MAN2B2: variants seen among roughly 807,000 people sequenced by gnomAD.
MAN2B2 encodes the protein epididymis-specific alpha-mannosidase.
Under a neutral mutation model 117.1 loss-of-function variants are expected in MAN2B2, and 106 were observed. The observed-to-expected ratio is 0.90, with a 90% confidence interval of 0.77 to 1.06. The LOEUF (loss-of-function observed/expected upper bound fraction) is 1.06, where lower values mean the gene tolerates loss of function less well. Ranked by LOEUF, MAN2B2 falls within the 50% of genes least tolerant of loss-of-function variation. The pLI is 0.00. For synonymous variants in MAN2B2, 544 were observed against 595.1 expected, an observed-to-expected ratio of 0.91 and a Z score of 1.25; for missense variants, 1,326 against 1,381.4, an observed-to-expected ratio of 0.96 and a Z score of 0.64.
chr4:6,621,206 C>T lies in MAN2B2; in HGVS notation c.2951C>T (p.Ser984Leu), dbSNP rs770625964. The change falls in exon 19 of 19, where the codon TCG becomes TTG. Residue 984 changes from serine (S) to leucine (L), a missense_variant. Physicochemically the swap from Ser to Leu is moderately radical, Grantham distance 145 (BLOSUM62 -2). Coordinates refer to ENST00000285599, the MANE Select transcript of MAN2B2 (RefSeq NM_015274.3). ...GRHRGDTTSP[S>L]RPPGGPIITV... ...CCCCTAGGTGACACCACCTCTCCCT[C>T]GAGGCCACCAGGAGGCCCCATCATC... The T allele has an allele frequency of 5.6e-6, 9 of 1,613,904 alleles. No homozygotes were observed. The highest frequency in any genetic ancestry group is 1.3e-5 in the African/African-American group (1 of 74,918).
chr4:6,611,576 A>G (rs1577293982), intron 15 of MAN2B2, among the ~76,000 whole-genome samples: 1 of 147,862 alleles, frequency 6.8e-6, no homozygotes, highest in African/African-American at 2.7e-5. Context: ...CTTTCTTAAT[A>G]TGACATTATG....
rs149837053 is a variant in MAN2B2, at chr4:6,597,125, C to T, written c.1070C>T (p.Ala357Val). 57 of 1,613,360 alleles carry T rather than the reference C, an allele frequency of 3.5e-5. No homozygotes were observed. Among genetic ancestry groups the T allele is most frequent in the Non-Finnish European group, 4.6e-5 (54 of 1,179,846 alleles). The change falls in exon 8 of 19, where the codon GCC (alanine) becomes GTC (valine). Residue 357 changes from alanine to valine, a missense_variant. Ala to Val is a moderately conservative substitution (Grantham distance 64, BLOSUM62 0). Transcript: ENST00000285599. ...FLPYSTEPFQ[A>V]WTGFYTSRSS... ...CCTTGTCTCCCAGAACCATTCCAGG[C>T]CTGGACGGGCTTCTACACGTCCCGC...
At chr4:6,597,004 TG>T in intron 7 of MAN2B2, 108 bp from the exon 8 acceptor site, 1 of 1,123,038 alleles carries the variant, frequency 8.9e-7, no homozygotes, top group Non-Finnish European at 1.3e-6. Flanking sequence ...TGGGTGACCC[TG>T]GCAGAGGCTG....
chr4:6,587,781 G>A (rs1336671803), intron 4 of MAN2B2, among the ~76,000 whole-genome samples: 1 of 137,068 alleles, frequency 7.3e-6, no homozygotes, highest in Non-Finnish European at 1.5e-5. Flanking sequence ...TTGAGACAGG[G>A]TCTTGCTCTG....
intron 11 of MAN2B2, among the ~76,000 whole-genome samples, chr4:6,606,558 C>T (rs1727554477): frequency 6.6e-6 from 1 of 152,254 alleles, no homozygotes; most frequent in South Asian, 2.1e-4. Context: ...AGCCAGGGTC[C>T]CACCCGGCAT....
At chr4:6,615,170 C>T (rs527780380) in intron 16 of MAN2B2, among the ~76,000 whole-genome samples, 13 of 152,250 alleles carry the variant, frequency 8.5e-5, no homozygotes, top group Admixed American at 4.6e-4. Flanking sequence ...CCGAGGCAGG[C>T]GGATTGCTTG....
chr4:6,610,995 G>T lies in MAN2B2; in HGVS notation c.2370+5G>T. ...CAAGGGAATGGGCAGGTGGAGGTAG[G>T]AGGCACGGTCTGTCCTACAGCAGCC... On this transcript the variant is annotated splice_donor_5th_base_variant and intron_variant, in intron 14 of 18. Transcript: ENST00000285599. 6.2e-7 allele frequency: 1 copy of T among 1,614,160 alleles called. No homozygotes were observed. The highest frequency in any genetic ancestry group is 8.5e-7 in the Non-Finnish European group (1 of 1,180,006).
In MAN2B2 at chr4:6,589,101, C is replaced by G; in HGVS notation, c.621C>G (p.Phe207Leu). ...CCCTCTCAGAGCGGCAGGAAATCTT[C>G]ACGCACATCATGGACCAGTACAGCT... The part of the protein sequence containing the change: ...SPSLSERQEI[F>L]THIMDQYSYC... Residue 207 changes from phenylalanine to leucine, a missense_variant, in exon 5 of 19, where the codon TTC (phenylalanine) becomes TTG (leucine). Physicochemically the swap from Phe to Leu is conservative, Grantham distance 22. Transcript: ENST00000285599. The G allele has an allele frequency of 6.2e-7, 1 of 1,614,236 alleles. No homozygotes were observed. The highest frequency in any genetic ancestry group is 8.5e-7 in the Non-Finnish European group (1 of 1,180,040).
intron 4 of MAN2B2, among the ~76,000 whole-genome samples, chr4:6,588,485 T>TG (rs1193932344): frequency 6.6e-6 from 1 of 151,914 alleles, no homozygotes; most frequent in Non-Finnish European, 1.5e-5. Flanking sequence ...CTTTGGGAGG[T>TG]GGGCAGATCA....
Position 6,587,757 on chromosome 4 carries a change from T to G in MAN2B2, c.564+589T>G, listed in dbSNP as rs147059630. Among the ~76,000 whole-genome samples, 14 of 76,718 alleles carry G rather than the reference T, an allele frequency of 1.8e-4. No homozygotes were observed. In the East Asian group the frequency reaches 6.0e-3, roughly 33 times the overall value. The allele number at this position is 76,718 out of a possible 152,430, so 50.3% of individuals were successfully genotyped here. ...GGGGTCTTTTGGGTTGTTGTTTTTT[T>G]TTTTTTTTTTTTTTTGAGACAGGGT... On this transcript the variant is annotated intron_variant, in intron 4 of 18. Transcript: ENST00000285599.
At chr4:6,613,767 AGAGG>A (rs1378159275) in intron 15 of MAN2B2, among the ~76,000 whole-genome samples, 2 of 141,276 alleles carry the variant, frequency 1.4e-5, no homozygotes, top group African/African-American at 2.7e-5. Context: ...AGAAAAGAAG[AGAGG>A]GAGGGAAGGA....
intron 10 of MAN2B2, among the ~76,000 whole-genome samples, chr4:6,601,601 G>A (rs1282767073): frequency 6.6e-6 from 1 of 152,018 alleles, no homozygotes; most frequent in Non-Finnish European, 1.5e-5. Context: ...CTCTAACCCG[G>A]GCTCGCTTCC....
intron 11 of MAN2B2, among the ~76,000 whole-genome samples, chr4:6,608,898 C>T (rs60966540): frequency 0.031 from 4,683 of 152,254 alleles, 248 homozygotes; most frequent in African/African-American, 0.11. Context: ...TCCGTCTCCT[C>T]GTTTGTGACC....
At chr4:6,609,766 G>T (rs760605847) in intron 12 of MAN2B2, 32 bp from the exon 13 acceptor site, 2 of 1,603,944 alleles carry the variant, frequency 1.2e-6, no homozygotes, top group African/African-American at 1.3e-5. Context: ...GGTTCCTGGA[G>T]CTTCACTTAC....
rs1445165731 is a variant in MAN2B2, at chr4:6,589,321, A to G, written c.680+161A>G. On this transcript the variant is annotated intron_variant, in intron 5 of 18. Transcript: ENST00000285599. ...AGTAGCGCAATCTTGGCTCACTGCA[A>G]CCTCCGCCTCCTGGGTTCAAGCGAT... Among the ~76,000 whole-genome samples the G allele has an allele frequency of 2.0e-5, 3 of 152,032 alleles. No individual in the cohort carries two copies. In the East Asian group the frequency reaches 5.8e-4, roughly 29 times the overall value.
intron 7 of MAN2B2, 146 bp from the exon 8 acceptor site, chr4:6,596,967 G>C (rs191756969): frequency 1.4e-6 from 1 of 739,834 alleles, no homozygotes; most frequent in African/African-American, 1.8e-5. Flanking sequence ...TAAGCCCTGG[G>C]CTCGCTGCCT....
rs750798273 is a variant in MAN2B2, at chr4:6,593,296, C to T, written c.804C>T (p.Ala268=). 6.2e-7 allele frequency: 1 copy of T among 1,613,990 alleles called. No homozygotes were observed. Among genetic ancestry groups the T allele is most frequent in the Admixed American group, 1.7e-5 (1 of 60,008 alleles). The part of the protein sequence containing the change: ...NINLYAEALV[A]NVKQRAAWFR... The stretch of plus-strand genomic sequence containing the variant: ...ACCTCTATGCCGAGGCCCTGGTGGC[C>T]AACGTGAAGCAGAGGGCCGCCTGGT... Residue 268 remains alanine (A), a synonymous_variant, in exon 6 of 19, where the codon GCC becomes GCT. Coordinates refer to ENST00000285599, the MANE Select transcript of MAN2B2 (RefSeq NM_015274.3).
intron 4 of MAN2B2, among the ~76,000 whole-genome samples, chr4:6,588,736 C>T (rs1284167796): frequency 6.6e-6 from 1 of 152,056 alleles, no homozygotes; most frequent in Non-Finnish European, 1.5e-5. Context: ...AAATAAACTG[C>T]ACACTTGGTG....
Position 6,619,487 on chromosome 4 carries a change from G to C in MAN2B2, c.2815-440G>C, listed in dbSNP as rs189377809. The C allele has an allele frequency of 3.1e-5, 5 of 159,326 alleles. No individual in the cohort carries two copies. In the East Asian group the frequency reaches 9.3e-4, roughly 29 times the overall value. The allele number at this position is 159,326 out of a possible 1,614,324, so 9.9% of individuals were successfully genotyped here. On this transcript the variant is annotated intron_variant, in intron 17 of 18. Transcript: ENST00000285599. Reference sequence around the variant, plus strand: ...CCCTCCTGCTCCACAGACTTTTCCAGACCCCTAAGGGCCTCCTGCCTCCCC... The same window carrying C: ...CCCTCCTGCTCCACAGACTTTTCCACACCCCTAAGGGCCTCCTGCCTCCCC...
Sources: allele counts gnomAD v4.1 joint callset (sites outside exome capture counted in the v4.1 genomes callset), GRCh38; gene constraint gnomAD v4.1.1; transcripts MANE v1.5; gene names NCBI Gene and HGNC (gene_info 2026-07-23, HGNC 2026-07-21).